The following UGGT1 variants were observed in gnomAD, a reference collection of about 807,000 sequenced individuals.
UGGT1 encodes the protein UDP-glucose glycoprotein glucosyltransferase 1.
In UGGT1, 107 loss-of-function variants were observed where a neutral mutation model predicts 203.9. The ratio of observed to expected loss-of-function variants is 0.52; its 90% confidence interval spans 0.45 to 0.62. The LOEUF is 0.62. UGGT1 is among the 20% of genes least tolerant of loss of function. The probability of loss-of-function intolerance (pLI) is 0.00; values close to 1 mark genes in which losing one functional copy is unlikely to be tolerated. For synonymous variants in UGGT1, 628 were observed against 653.5 expected (o/e 0.96, Z 0.59); for missense variants, 1,673 against 1,867.2 (o/e 0.90, Z 1.92).
chr2:128,091,212 G>C lies in UGGT1; in HGVS notation c.-146G>C. On this transcript the variant is annotated 5_prime_UTR_variant, in exon 1 of 41. Coordinates refer to ENST00000259253, the MANE Select transcript of UGGT1 (RefSeq NM_020120.4). The stretch of plus-strand genomic sequence containing the variant: ...AAGGGCGGCCGGCAGCTGGGCAATT[G>C]CTTTGCGAGGCTGGGTGTTGAGTCG... 1 of 896,748 alleles carries C rather than the reference G, an allele frequency of 1.1e-6. No individual in the cohort carries two copies. The highest frequency in any genetic ancestry group is 1.8e-5 in the South Asian group (1 of 55,372). 55.5% of individuals were successfully genotyped at this position (896,748 alleles called of 1,614,324 possible). A position where few individuals can be genotyped will look rare whatever the true frequency, so the allele number is the denominator to read the frequency against.
At chr2:128,128,603 C>T (rs969087877) in intron 12 of UGGT1, among the ~76,000 whole-genome samples, 15 of 152,234 alleles carry the variant, frequency 9.9e-5, no homozygotes, top group African/African-American at 1.7e-4. Context: ...TGAGCCACCG[C>T]GCCCAGCCCT....
intron 32 of UGGT1, 150 bp from the exon 33 acceptor site, chr2:128,177,682 C>T: frequency 1.7e-6 from 1 of 572,154 alleles, no homozygotes; most frequent in South Asian, 2.8e-5. Context: ...CTATTGAATC[C>T]TTCTAGACTC....
intron 1 of UGGT1, among the ~76,000 whole-genome samples, chr2:128,093,503 G>A (rs139143290): frequency 6.6e-6 from 1 of 152,138 alleles, no homozygotes; most frequent in East Asian, 1.9e-4. Context: ...CAGATTGGTT[G>A]GTTGGATTGC....
At chr2:128,135,929 C>T (rs1689111201) in intron 15 of UGGT1, among the ~76,000 whole-genome samples, 1 of 152,166 alleles carries the variant, frequency 6.6e-6, no homozygotes, top group African/African-American at 2.4e-5. Context: ...ATGGAAGAAC[C>T]TATTACTGGA....
At chr2:128,136,363 GT>G (rs1217271916) in intron 15 of UGGT1, among the ~76,000 whole-genome samples, 1 of 152,154 alleles carries the variant, frequency 6.6e-6, no homozygotes, top group Non-Finnish European at 1.5e-5. Flanking sequence ...TGCTTCACTT[GT>G]TTATCTCTTC....
Position 128,189,841 on chromosome 2 carries a change from C to T in UGGT1, c.*99C>T, listed in dbSNP as rs1021521865. The stretch of plus-strand genomic sequence containing the variant: ...GTCTATACAACTGCTGATAAGCCGG[C>T]TGGGCAGGAGTGCCACACCTTTTGA... On this transcript the variant is annotated 3_prime_UTR_variant, in exon 41 of 41. Coordinates refer to ENST00000259253, the MANE Select transcript of UGGT1 (RefSeq NM_020120.4). The T allele has an allele frequency of 5.0e-5, 70 of 1,408,994 alleles. No individual in the cohort carries two copies. The Middle Eastern group carries it at 5.3e-4, about 11-fold the overall frequency. 87.3% of individuals were successfully genotyped at this position (1,408,994 alleles called of 1,614,324 possible). A position where few individuals can be genotyped will look rare whatever the true frequency, so the allele number is the denominator to read the frequency against.
intron 21 of UGGT1, among the ~76,000 whole-genome samples, chr2:128,156,961 A>G (rs1190536972): frequency 1.3e-5 from 2 of 152,210 alleles, no homozygotes; most frequent in African/African-American, 4.8e-5. Context: ...TGTTACCCAC[A>G]TGTTCAAAGG....
chr2:128,183,616 G>A, intron 37 of UGGT1, 59 bp from the exon 38 acceptor site: 1 of 1,312,886 alleles, frequency 7.6e-7, no homozygotes, highest in Non-Finnish European at 1.1e-6. Flanking sequence ...TATTCATTGG[G>A]TTTAGTTTTC....
intron 11 of UGGT1, among the ~76,000 whole-genome samples, chr2:128,124,681 C>T (rs1688529218): frequency 1.4e-5 from 1 of 70,836 alleles, no homozygotes. Flanking sequence ...ATTCTTTTCT[C>T]TTTTTCAAAA....
At chr2:128,159,225 G>A (rs1483291831) in intron 22 of UGGT1, among the ~76,000 whole-genome samples, 3 of 151,316 alleles carry the variant, frequency 2.0e-5, no homozygotes, top group Admixed American at 1.3e-4. Context: ...ACAGCCTTGC[G>A]AGTAGCTGGA....
At chr2:128,155,012 G>A (rs943016723) in intron 19 of UGGT1, among the ~76,000 whole-genome samples, 1 of 152,216 alleles carries the variant, frequency 6.6e-6, no homozygotes, top group African/African-American at 2.4e-5. Context: ...GAGTGAAAAT[G>A]ACCTTTTATT....
At chr2:128,099,532 GT>G (rs1208803162) in intron 2 of UGGT1, among the ~76,000 whole-genome samples, 1 of 152,152 alleles carries the variant, frequency 6.6e-6, no homozygotes, top group Non-Finnish European at 1.5e-5. Context: ...TGAACGAATG[GT>G]TGCACCTCTT....
chr2:128,118,273 A>G (rs1480211137), intron 8 of UGGT1, among the ~76,000 whole-genome samples: 1 of 152,088 alleles, frequency 6.6e-6, no homozygotes, highest in Non-Finnish European at 1.5e-5. Flanking sequence ...CTTTTCTAAA[A>G]AAATTTTTTC....
At chr2:128,109,945 C>A (rs562320527) in intron 5 of UGGT1, among the ~76,000 whole-genome samples, 199 bp downstream of exon 5, 1 of 152,152 alleles carries the variant, frequency 6.6e-6, no homozygotes, top group African/African-American at 2.4e-5. Context: ...AAATTACTTT[C>A]TTTCCTAATC....
chr2:128,126,322 C>T (rs1458794292), intron 11 of UGGT1, among the ~76,000 whole-genome samples: 2 of 151,588 alleles, frequency 1.3e-5, no homozygotes, highest in East Asian at 1.9e-4. Flanking sequence ...CTCATGGCAA[C>T]CTCTGCCTCC....
chr2:128,169,494 G>A (rs1190659786), intron 26 of UGGT1, among the ~76,000 whole-genome samples: 2 of 152,206 alleles, frequency 1.3e-5, no homozygotes, highest in African/African-American at 2.4e-5. Context: ...AAATGTGGTT[G>A]ACAATACTTA....
intron 18 of UGGT1, chr2:128,151,214 AT>A: frequency 1.7e-6 from 1 of 573,570 alleles, no homozygotes; most frequent in Non-Finnish European, 3.3e-6. Context: ...TTTAGCTCCT[AT>A]TTTTGTTTCT....
intron 22 of UGGT1, among the ~76,000 whole-genome samples, chr2:128,157,717 G>A (rs1489557249): frequency 1.3e-5 from 2 of 152,220 alleles, no homozygotes; most frequent in Non-Finnish European, 2.9e-5. Flanking sequence ...CATGGGGGCA[G>A]TAGCACACAG....
At chr2:128,136,019 TA>T (rs1202746822) in intron 15 of UGGT1, among the ~76,000 whole-genome samples, 2 of 152,234 alleles carry the variant, frequency 1.3e-5, no homozygotes, top group African/African-American at 4.8e-5. Flanking sequence ...CAGTTGGCAC[TA>T]ATACAATATT....
Sources: allele counts gnomAD v4.1 joint callset (sites outside exome capture counted in the v4.1 genomes callset), GRCh38; gene constraint gnomAD v4.1.1; transcripts MANE v1.5; gene names NCBI Gene and HGNC (gene_info 2026-07-23, HGNC 2026-07-21).